The following CYP24A1 variants were observed in gnomAD, a reference collection of about 807,000 sequenced individuals.
The protein encoded by CYP24A1 is 1,25-dihydroxyvitamin D(3) 24-hydroxylase, mitochondrial.
CYP24A1 carries 68 observed loss-of-function variants against 62.4 expected under a neutral mutation model. The ratio of observed to expected loss-of-function variants is 1.09; its 90% CI spans 0.90 to 1.33. The LOEUF (loss-of-function observed/expected upper bound fraction) is 1.33, where lower values mean the gene tolerates loss of function less well. Ranked by LOEUF, CYP24A1 falls within the 40% of genes most tolerant of loss-of-function variation. CYP24A1 has a pLI of 0.00. For synonymous variants in CYP24A1, 267 were observed against 253.0 expected (o/e 1.06, Z -0.52); for missense variants, 787 against 653.0 (o/e 1.21, Z -2.24).
Position 54,159,066 on chromosome 20 carries a change from G to T in CYP24A1, c.1048C>A (p.Gln350Lys). ...YNLSRNPQVQ[Q>K]KLLKEIQSVL... Reference sequence around the variant, plus strand: ...CTTTGAATTTCCTTAAGAAGCTTTTGTTGCACTTGGGGATTACGGGATAAA... The same window carrying T: ...CTTTGAATTTCCTTAAGAAGCTTTTTTTGCACTTGGGGATTACGGGATAAA... The change falls in exon 8 of 12, where the codon CAA becomes AAA. Residue 350 changes from glutamine to lysine, a missense_variant. Transcript: ENST00000216862. 1 of 1,614,070 alleles carries T rather than the reference G, an allele frequency of 6.2e-7. No individual in the cohort carries two copies. The highest frequency in any genetic ancestry group is 8.5e-7 in the Non-Finnish European group (1 of 1,179,974).
Position 54,173,537 on chromosome 20 carries a change from G to A in CYP24A1, c.43C>T (p.Leu15=), listed in dbSNP as rs1338019260. 1 of 1,580,862 alleles carries A rather than the reference G, an allele frequency of 6.3e-7. No homozygotes were observed. The highest frequency in any genetic ancestry group is 1.8e-5 in the Admixed American group (1 of 56,940). Residue 15 remains leucine, a synonymous_variant, in exon 1 of 12, where the codon CTG becomes TTG. Transcript: ENST00000216862. The surrounding 1 kb of genome is among the most constrained non-coding windows in gnomAD (Gnocchi z 7.2). Reference sequence around the variant, plus strand: ...TGCCTCGGACTGCGCAGCTGCTGCAGGAAGGCGGCAAGCGAGCGGCTCTTG... The same window carrying A: ...TGCCTCGGACTGCGCAGCTGCTGCAAGAAGGCGGCAAGCGAGCGGCTCTTG... ...ISKSRSLAAF[L]QQLRSPRQPP...
chr20:54,172,086 C>T (rs1205433767), intron 2 of CYP24A1: 2 of 277,760 alleles, frequency 7.2e-6, no homozygotes, highest in African/African-American at 2.2e-5. Context: ...TTGGTGTGGG[C>T]TTCATATTTA....
chr20:54,146,553 G>A, the CYP24A1 span, among the ~76,000 whole-genome samples: 1 of 152,166 alleles, frequency 6.6e-6, no homozygotes, highest in Non-Finnish European at 1.5e-5. Context: ...AACAAATGCA[G>A]ATGAAAAAGC....
At chr20:54,172,139 A>T (rs2092696210) in intron 2 of CYP24A1, among the ~76,000 whole-genome samples, 1 of 152,214 alleles carries the variant, frequency 6.6e-6, no homozygotes, top group African/African-American at 2.4e-5. Context: ...CCTCCAAATA[A>T]TAACATACAG....
intron 6 of CYP24A1, 42 bp downstream of exon 6, chr20:54,164,393 AGCTCCAGACACGGGGGT>A: frequency 1.2e-6 from 2 of 1,613,292 alleles, no homozygotes; most frequent in South Asian, 2.2e-5. Context: ...TCCTCTCTGA[AGCTCCAGACACGGGGGT>A]GCTGGGCTGG....
rs557547869 is a variant in CYP24A1 at position 54,161,951 on chromosome 20, G to A, written c.990+766C>T. Among the ~76,000 whole-genome samples, 97 of 152,330 alleles carry A rather than the reference G, an allele frequency of 6.4e-4. 1 individual carries two copies. In the South Asian group the frequency reaches 0.011, roughly 17 times the overall value. On this transcript the variant is annotated intron_variant, in intron 7 of 11. Transcript: ENST00000216862. ...GGTGCATGAAATGTTGGACTTAGGA[G>A]GAGGTTAGCGTGCGCCACTCCCATC...
chr20:54,171,649 C>G lies in CYP24A1; in HGVS notation c.471G>C (p.Arg157=). ...GTTTCTTTTGAAAGGCACTCCGGAC[C>G]CGCTGCCAGTCTTCCCCTTCCCTGT... ...LLILEGEDWQ[R]VRSAFQKKLM... is the part of the protein sequence containing the mutation. The change falls in exon 3 of 12, where the codon CGG becomes CGC. Residue 157 remains arginine, a synonymous_variant. Coordinates refer to ENST00000216862, the MANE Select transcript of CYP24A1 (RefSeq NM_000782.5). The G allele has an allele frequency of 6.2e-7, 1 of 1,613,830 alleles. No homozygotes were observed.
rs1318362843 is a variant in CYP24A1, at chr20:54,173,116, A to C, written c.259-17T>G. 6.2e-7 allele frequency: 1 copy of C among 1,601,128 alleles called. No individual in the cohort carries two copies. Among genetic ancestry groups the C allele is most frequent in the South Asian group, 1.1e-5 (1 of 91,054 alleles). ...GTACTCCACCTGCAGCCGGCCGGGC[A>C]CAGCGCGGTGTCAGCGCGCATCCTC... On this transcript the variant is annotated splice_polypyrimidine_tract_variant and intron_variant, in intron 1 of 11. Transcript: ENST00000216862. This position sits in a 1 kb window ranked among gnomAD's most constrained non-coding sequence, Gnocchi z 7.2.
In CYP24A1 at chr20:54,172,992, C is replaced by G. The variant is rs2092699389; in HGVS notation, c.366G>C (p.Glu122Asp). 7.4e-6 allele frequency: 12 copies of G among 1,612,488 alleles called. No individual in the cohort carries two copies. Among genetic ancestry groups the G allele is most frequent in the South Asian group, 1.1e-5 (1 of 91,086 alleles). ...TCTCCAGCCGCTGCGGGTACGCGCT[C>G]TCGGTGCGGTACAGCGCTTCCAGCA... ...PCLLEALYRTESAYPQRLEIK... is the reference protein window; with the variant it reads ...PCLLEALYRTDSAYPQRLEIK... Residue 122 changes from glutamate (E) to aspartate (D), a missense_variant, in exon 2 of 12, where the codon GAG becomes GAC. Transcript: ENST00000216862.
At chr20:54,157,834 G>A (rs557200422) in intron 9 of CYP24A1, among the ~76,000 whole-genome samples, 21 of 152,308 alleles carry the variant, frequency 1.4e-4, no homozygotes, top group African/African-American at 4.3e-4. Context: ...TTTTACAGAC[G>A]AAGTTGAGGC....
At position 54,173,979 on chromosome 20, in the gene CYP24A1, C is replaced by T. The variant is rs73913757; in HGVS notation, c.-400G>A. On this transcript the variant is annotated 5_prime_UTR_variant, in exon 1 of 12. Transcript: ENST00000216862. The surrounding 1 kb of genome is among the most constrained non-coding windows in gnomAD (Gnocchi z 7.2). ...GCTGGCGCTGCGTTTCCTCCTGTCC[C>T]TCTCCATGTTCCTATGCCCAGGGAC... 0.03 allele frequency: 7,517 copies of T among 253,110 alleles called. 546 individuals carry two copies. The highest frequency in any genetic ancestry group is 0.15 in the African/African-American group (6,930 of 45,174). 15.7% of individuals were successfully genotyped at this position (253,110 alleles called of 1,614,324 possible).
At chr20:54,171,107 T>C (rs577917626) in intron 3 of CYP24A1, among the ~76,000 whole-genome samples, 17 of 152,190 alleles carry the variant, frequency 1.1e-4, no homozygotes, top group Non-Finnish European at 2.2e-4. Flanking sequence ...CTTCCCCCAC[T>C]TTCTCTGCTT....
Position 54,157,180 on chromosome 20 carries a change from T to C in CYP24A1, c.1544A>G (p.Ter515=), listed in dbSNP as rs755645473. 2 of 1,547,500 alleles carry C rather than the reference T, an allele frequency of 1.3e-6. No individual in the cohort carries two copies. Among genetic ancestry groups the C allele is most frequent in the African/African-American group, 1.4e-5 (1 of 73,486 alleles). ...RELPIAFCQR[*] is the part of the protein sequence containing the mutation. ...GCCTAGATGCTCACCTGAGGCGTAT[T>C]ATCGCTGGCAAAACGCGATGGGGAG... The change falls in exon 11 of 12, where the codon TAA becomes TGA. Residue 515 remains the stop codon, a stop_retained_variant. Coordinates refer to ENST00000216862, the MANE Select transcript of CYP24A1 (RefSeq NM_000782.5).
In CYP24A1 at chr20:54,157,154, C is replaced by G. The variant is rs374454942; in HGVS notation, c.*10+15G>C. On this transcript the variant is annotated intron_variant, in intron 11 of 11. Transcript: ENST00000216862. ...CACTACCTTGCAGAGGATAATGAAC[C>G]GCCTAGATGCTCACCTGAGGCGTAT... 10 of 1,241,410 alleles carry G rather than the reference C, an allele frequency of 8.1e-6. No individual in the cohort carries two copies. The African/African-American group carries it at 1.2e-4, about 15-fold the overall frequency. 76.9% of individuals were successfully genotyped at this position (1,241,410 alleles called of 1,614,324 possible). A position where few individuals can be genotyped will look rare whatever the true frequency, so the allele number is the denominator to read the frequency against.
At chr20:54,148,369 GACACACACACACACAC>G in the CYP24A1 span, among the ~76,000 whole-genome samples, 16 of 133,480 alleles carry the variant, frequency 1.2e-4, no homozygotes, top group East Asian at 1.3e-3. Flanking sequence ...CAGACACACA[GACACACACACACACAC>G]ACACACACAC....
At chr20:54,146,959 C>T in the CYP24A1 span, among the ~76,000 whole-genome samples, 1 of 152,166 alleles carries the variant, frequency 6.6e-6, no homozygotes, top group Non-Finnish European at 1.5e-5. Flanking sequence ...TTAGGAAAAG[C>T]TCAACAAATT....
At chr20:54,166,963 C>T (rs1243326955) in intron 4 of CYP24A1, among the ~76,000 whole-genome samples, 3 of 152,098 alleles carry the variant, frequency 2.0e-5, no homozygotes, top group East Asian at 1.9e-4. Context: ...CTCTTGGGCC[C>T]AGGAGGCCGA....
the CYP24A1 span, among the ~76,000 whole-genome samples, chr20:54,148,339 T>G: frequency 6.7e-6 from 1 of 149,666 alleles, no homozygotes; most frequent in Non-Finnish European, 1.5e-5. Context: ...TGTCCTTCTT[T>G]TTCTCTCTTT....
rs1249419201 is a variant in CYP24A1 at position 54,153,957 on chromosome 20, T to C, written c.*815A>G. On this transcript the variant is annotated 3_prime_UTR_variant, in exon 12 of 12. Transcript: ENST00000216862. ...GAATGTTTTTAAGCTGTGACTAAAC[T>C]TTGAAACATTGCCCTGCACCACAGA... 6.6e-6 allele frequency: 1 copy of C among 152,152 alleles called. No homozygotes were observed. The highest frequency in any genetic ancestry group is 1.5e-5 in the Non-Finnish European group (1 of 68,024). 9.4% of individuals were successfully genotyped at this position (152,152 alleles called of 1,614,324 possible).
Sources: gnomAD v4.1 joint callset for allele counts (sites outside exome capture counted in the v4.1 genomes callset) on GRCh38, gnomAD v4.1.1 for gene constraint, Gnocchi (gnomAD v3.1) non-coding constraint, MANE v1.5 for transcripts, NCBI Gene and HGNC (gene_info 2026-07-23, HGNC 2026-07-21) for gene names.